Variants in SH3GL2 observed in about 807,000 individuals in gnomAD.
The protein encoded by SH3GL2 is SH3 domain containing GRB2 like 2, endophilin A1.
Under a neutral mutation model 46.0 loss-of-function variants are expected in SH3GL2, and 24 were observed. The ratio of observed to expected loss-of-function variants is 0.52; its 90% CI spans 0.38 to 0.73. The LOEUF is 0.73. Among genes scored for constraint, SH3GL2 ranks in the 30% least tolerant of loss-of-function variants. SH3GL2 has a pLI of 0.00. For synonymous variants in SH3GL2, 196 were observed against 147.1 expected, an observed-to-expected ratio of 1.33 and a Z score of -2.40; for missense variants, 413 against 424.2, an observed-to-expected ratio of 0.97 and a Z score of 0.23.
chr9:17,622,982 T>TTCCCTTTCCTTTCCTTTCCG (rs1563786408), intron 1 of SH3GL2, among the ~76,000 whole-genome samples: 968 of 76,832 alleles, frequency 0.013, 28 homozygotes, highest in South Asian at 0.039. Context: ...TTTCGTTTCC[T>TTCCCTTTCCTTTCCTTTCCG]TTCGTTTCCT....
chr9:17,760,683 A>G (rs890265711), intron 2 of SH3GL2, among the ~76,000 whole-genome samples: 1 of 152,136 alleles, frequency 6.6e-6, no homozygotes, highest in Non-Finnish European at 1.5e-5. Flanking sequence ...GAATAGGAGG[A>G]TGCATTTATT....
intron 1 of SH3GL2, among the ~76,000 whole-genome samples, chr9:17,731,031 A>T (rs893802762): frequency 1.3e-5 from 2 of 152,148 alleles, no homozygotes; most frequent in South Asian, 4.1e-4. Flanking sequence ...GTTCTTATGC[A>T]TGCCAGCCTT....
intron 1 of SH3GL2, among the ~76,000 whole-genome samples, chr9:17,657,321 A>T (rs1201239592): frequency 1.3e-5 from 2 of 152,122 alleles, no homozygotes; most frequent in Non-Finnish European, 2.9e-5. Context: ...CATGCACATG[A>T]CCTGTTGTAA....
intron 1 of SH3GL2, chr9:17,590,466 A>G (rs1818460564): frequency 1.3e-5 from 2 of 152,226 alleles, no homozygotes; most frequent in African/African-American, 4.8e-5. Context: ...AGTTAAGTTT[A>G]ACAAACAGTA....
At chr9:17,739,808 G>T (rs1361836157) in intron 1 of SH3GL2, among the ~76,000 whole-genome samples, 3 of 152,034 alleles carry the variant, frequency 2.0e-5, no homozygotes, top group Admixed American at 6.6e-5. Context: ...TAAGTAATTT[G>T]CCCCATAGTC....
intron 1 of SH3GL2, among the ~76,000 whole-genome samples, chr9:17,746,308 C>T (rs1383897212): frequency 6.6e-6 from 1 of 152,150 alleles, no homozygotes; most frequent in African/African-American, 2.4e-5. Context: ...AATCTCCTGA[C>T]CTCGTGATCC....
intron 1 of SH3GL2, among the ~76,000 whole-genome samples, chr9:17,682,273 C>A (rs577402378): frequency 6.6e-6 from 1 of 152,042 alleles, no homozygotes; most frequent in African/African-American, 2.4e-5. Flanking sequence ...ATGTTTTTTG[C>A]GTATTATTTT....
chr9:17,745,785 C>G (rs938887511), intron 1 of SH3GL2, among the ~76,000 whole-genome samples: 4 of 152,062 alleles, frequency 2.6e-5, no homozygotes, highest in Non-Finnish European at 1.5e-5. Context: ...TGTTGCTGAG[C>G]TTACTGTGGG....
At chr9:17,671,829 G>A (rs960656683) in intron 1 of SH3GL2, among the ~76,000 whole-genome samples, 1 of 152,116 alleles carries the variant, frequency 6.6e-6, no homozygotes, top group African/African-American at 2.4e-5. Context: ...TCGTTGCCTT[G>A]AGACAACAAC....
chr9:17,781,452 G>T (rs931694150), intron 3 of SH3GL2, among the ~76,000 whole-genome samples: 99 of 150,464 alleles, frequency 6.6e-4, no homozygotes, highest in African/African-American at 2.4e-3. Flanking sequence ...TCTGATGGTA[G>T]TTTCTTTTGC....
chr9:17,712,243 T>A (rs1821645886), intron 1 of SH3GL2, among the ~76,000 whole-genome samples: 1 of 151,848 alleles, frequency 6.6e-6, no homozygotes, highest in South Asian at 2.1e-4. Context: ...TTGTAAATAT[T>A]TTCTCCACAT....
At chr9:17,694,317 GAGAA>G (rs1477179680) in intron 1 of SH3GL2, among the ~76,000 whole-genome samples, 1 of 152,160 alleles carries the variant, frequency 6.6e-6, no homozygotes, top group Non-Finnish European at 1.5e-5. Flanking sequence ...GCAGGAGAGA[GAGAA>G]AGAGAGAGCA....
At chr9:17,748,541 T>C (rs2131132945) in intron 2 of SH3GL2, among the ~76,000 whole-genome samples, 1 of 152,196 alleles carries the variant, frequency 6.6e-6, no homozygotes, top group Admixed American at 6.5e-5. Flanking sequence ...AATTCCTAGG[T>C]ATTCATTAGT....
intron 3 of SH3GL2, among the ~76,000 whole-genome samples, chr9:17,782,284 C>G (rs1416044853): frequency 2.0e-5 from 3 of 152,032 alleles, no homozygotes; most frequent in Non-Finnish European, 4.4e-5. Flanking sequence ...CTTGGGAACT[C>G]TCTTTTTCGG....
chr9:17,719,843 T>C (rs1465210292), intron 1 of SH3GL2, among the ~76,000 whole-genome samples: 2 of 151,214 alleles, frequency 1.3e-5, no homozygotes, highest in African/African-American at 4.9e-5. Flanking sequence ...GTATTTAAAA[T>C]GTAATACTGT....
intron 1 of SH3GL2, among the ~76,000 whole-genome samples, chr9:17,690,369 C>G (rs1372418130): frequency 6.6e-6 from 1 of 152,136 alleles, no homozygotes; most frequent in African/African-American, 2.4e-5. Context: ...CTTTATCTCC[C>G]TATCCACTAT....
intron 1 of SH3GL2, among the ~76,000 whole-genome samples, chr9:17,713,194 C>G (rs187387950): frequency 6.6e-6 from 1 of 151,318 alleles, no homozygotes; most frequent in East Asian, 2.0e-4. Flanking sequence ...TAAGCTAACT[C>G]TATATTCCTC....
At position 17,622,352 on chromosome 9, in the gene SH3GL2, A is replaced by G. The variant is rs565849851; in HGVS notation, c.45+43065A>G. 5.9e-5 allele frequency among the ~76,000 whole-genome samples: 9 copies of G among 152,288 alleles called. No homozygotes were observed. The South Asian group carries it at 1.9e-3, about 32-fold the overall frequency. ...AATGGGAGGATAGCTTCCAATTTTTAGTCAGAAACCTGCCAGGGGCAGGGG... is the reference window on the plus strand; with the variant it reads ...AATGGGAGGATAGCTTCCAATTTTTGGTCAGAAACCTGCCAGGGGCAGGGG... On this transcript the variant is annotated intron_variant, in intron 1 of 8. Transcript: ENST00000380607.
intron 1 of SH3GL2, among the ~76,000 whole-genome samples, chr9:17,608,363 G>T (rs1045091882): frequency 6.6e-6 from 1 of 152,016 alleles, no homozygotes. Context: ...AGCCGGGATG[G>T]TCTCGATCTC....
Sources: allele counts gnomAD v4.1 joint callset (sites outside exome capture counted in the v4.1 genomes callset), GRCh38; gene constraint gnomAD v4.1.1; transcripts MANE v1.5; gene names NCBI Gene and HGNC (gene_info 2026-07-23, HGNC 2026-07-21).